The following ATP2B2 variants were observed in gnomAD, a reference collection of about 807,000 sequenced individuals.
The protein encoded by ATP2B2 is plasma membrane calcium-transporting ATPase 2.
ATP2B2 carries 15 observed loss-of-function variants against 120.0 expected under a neutral mutation model. The observed-to-expected ratio is 0.12, with a 90% CI of 0.08 to 0.19. The LOEUF is 0.19. Ranked by LOEUF, ATP2B2 falls within the 10% of genes least tolerant of loss-of-function variation. ATP2B2 has a pLI of 1.00. For synonymous variants in ATP2B2, 694 were observed against 700.3 expected (o/e 0.99, Z 0.14); for missense variants, 1,045 against 1,719.8 (o/e 0.61, Z 6.94).
At chr3:10,534,376 CTCTG>C (rs2067268382) in intron 2 of ATP2B2, among the ~76,000 whole-genome samples, 1 of 152,236 alleles carries the variant, frequency 6.6e-6, no homozygotes, top group African/African-American at 2.4e-5. Context: ...GCAGGGGTCT[CTCTG>C]TCTGATACTG....
intron 3 of ATP2B2, among the ~76,000 whole-genome samples, chr3:10,514,864 C>G (rs2066845006): frequency 6.6e-6 from 1 of 152,214 alleles, no homozygotes; most frequent in South Asian, 2.1e-4. Flanking sequence ...CACTGCACAT[C>G]CCCCTGCAGG....
At chr3:10,466,029 G>T (rs1427585785) in intron 1 of ATP2B2, among the ~76,000 whole-genome samples, 3 of 152,200 alleles carry the variant, frequency 2.0e-5, no homozygotes, top group Non-Finnish European at 4.4e-5. Flanking sequence ...CCAGAGATCA[G>T]GAGGGACCTC....
chr3:10,558,481 G>A (rs190476230), intron 2 of ATP2B2, among the ~76,000 whole-genome samples: 6 of 152,258 alleles, frequency 3.9e-5, no homozygotes, highest in Admixed American at 1.3e-4. Context: ...TTACCACCAC[G>A]CAAGGAGAGG....
chr3:10,367,586 G>A (rs973009033), intron 12 of ATP2B2, among the ~76,000 whole-genome samples: 3 of 152,164 alleles, frequency 2.0e-5, no homozygotes, highest in Admixed American at 6.5e-5. Flanking sequence ...ACACACCTCA[G>A]TTCGTCTAAG....
At chr3:10,483,194 C>T (rs183169879) in intron 1 of ATP2B2, among the ~76,000 whole-genome samples, 1 of 152,366 alleles carries the variant, frequency 6.6e-6, no homozygotes, top group Non-Finnish European at 1.5e-5. Context: ...CCTGCACACA[C>T]ATTGCTTCTT....
At chr3:10,680,224 G>A (rs945352603) in intron 1 of ATP2B2, among the ~76,000 whole-genome samples, 9 of 152,262 alleles carry the variant, frequency 5.9e-5, no homozygotes, top group African/African-American at 2.2e-4. Context: ...GAGATCACTG[G>A]TCTTCTCAGG....
chr3:10,509,257 T>C (rs2066711675), upstream of ATP2B2, among the ~76,000 whole-genome samples: 1 of 152,108 alleles, frequency 6.6e-6, no homozygotes, highest in Non-Finnish European at 1.5e-5. Context: ...GCTCTCTGTT[T>C]TTGCTCTTCT....
intron 2 of ATP2B2, among the ~76,000 whole-genome samples, chr3:10,606,371 T>C (rs1225757934): frequency 6.6e-6 from 1 of 152,104 alleles, no homozygotes; most frequent in Non-Finnish European, 1.5e-5. Flanking sequence ...TAATAGATGG[T>C]GGCAATGACT....
chr3:10,478,768 C>T (rs2065294075), intron 1 of ATP2B2, among the ~76,000 whole-genome samples: 1 of 152,218 alleles, frequency 6.6e-6, no homozygotes, highest in African/African-American at 2.4e-5. Context: ...CATCTCTTGC[C>T]TAGGTGACTG....
At chr3:10,533,864 C>T (rs1426518103) in intron 3 of ATP2B2, among the ~76,000 whole-genome samples, 1 of 152,212 alleles carries the variant, frequency 6.6e-6, no homozygotes, top group Admixed American at 6.5e-5. Flanking sequence ...GGAATTTCCC[C>T]AAACCAGCCC....
At chr3:10,686,552 G>T (rs911049749) in intron 1 of ATP2B2, among the ~76,000 whole-genome samples, 3 of 152,052 alleles carry the variant, frequency 2.0e-5, no homozygotes, top group African/African-American at 7.2e-5. Flanking sequence ...TACTCGGGAG[G>T]CTGAGGCAGG....
intron 2 of ATP2B2, among the ~76,000 whole-genome samples, chr3:10,569,079 G>A (rs2068069539): frequency 1.3e-5 from 2 of 152,124 alleles, no homozygotes; most frequent in African/African-American, 4.8e-5. Context: ...TCCAGATGAG[G>A]AAACTGAGGA....
intron 1 of ATP2B2, among the ~76,000 whole-genome samples, chr3:10,463,527 T>A (rs562072628): frequency 6.6e-6 from 1 of 152,348 alleles, no homozygotes; most frequent in African/African-American, 2.4e-5. Context: ...TCTATTGGTA[T>A]CCCCTTTCAC....
chr3:10,581,687 T>A (rs1236523445), intron 2 of ATP2B2, among the ~76,000 whole-genome samples: 1 of 152,156 alleles, frequency 6.6e-6, no homozygotes, highest in Non-Finnish European at 1.5e-5. Flanking sequence ...TAGGGCTGGT[T>A]AGAAACAAGG....
intron 1 of ATP2B2, among the ~76,000 whole-genome samples, chr3:10,653,493 A>G (rs1443669409): frequency 1.3e-5 from 2 of 152,196 alleles, no homozygotes; most frequent in East Asian, 1.9e-4. Flanking sequence ...CAGGGCCTCA[A>G]GGGGGAATTG....
intron 3 of ATP2B2, among the ~76,000 whole-genome samples, chr3:10,526,254 C>A (rs1036638652): frequency 7.2e-5 from 11 of 152,196 alleles, no homozygotes; most frequent in African/African-American, 2.7e-4. Context: ...AGAGACAGAG[C>A]AAAGCCTGCA....
chr3:10,667,490 C>A (rs1324722646), intron 1 of ATP2B2, among the ~76,000 whole-genome samples: 1 of 152,240 alleles, frequency 6.6e-6, no homozygotes, highest in African/African-American at 2.4e-5. Flanking sequence ...GTTTCCCGCA[C>A]TCGGCGTGTC....
intron 1 of ATP2B2, among the ~76,000 whole-genome samples, chr3:10,639,903 G>C (rs1420063924): frequency 6.6e-6 from 1 of 152,238 alleles, no homozygotes; most frequent in Non-Finnish European, 1.5e-5. Flanking sequence ...GCAGTCCCTA[G>C]AGATCAGCAT....
In ATP2B2 at chr3:10,365,786, G is replaced by T. The variant is rs372723881; in HGVS notation, c.1660-5663C>A. ...GTTGTGCGCTGTATGTGTATGGTAC[G>T]TACTGTGTATAGTGTATGTGTTGTA... On this transcript the variant is annotated intron_variant, in intron 12 of 22. Transcript: ENST00000360273. 3.5e-4 allele frequency among the ~76,000 whole-genome samples: 10 copies of T among 28,408 alleles called. No individual in the cohort carries two copies. The East Asian group carries it at 0.011, about 32-fold the overall frequency. The allele number at this position is 28,408 out of a possible 152,430, so 18.6% of individuals were successfully genotyped here. A position where few individuals can be genotyped will look rare whatever the true frequency, so the allele number is the denominator to read the frequency against.
Sources: gnomAD v4.1 joint callset for allele counts (sites outside exome capture counted in the v4.1 genomes callset) on GRCh38, gnomAD v4.1.1 for gene constraint, MANE v1.5 for transcripts, NCBI Gene and HGNC (gene_info 2026-07-23, HGNC 2026-07-21) for gene names.